Variants in CMYA5 observed in about 807,000 individuals in gnomAD.
CMYA5 encodes cardiomyopathy-associated protein 5.
Under a neutral mutation model 318.9 loss-of-function variants are expected in CMYA5, and 246 were observed. The observed-to-expected ratio is 0.77, with a 90% CI of 0.70 to 0.86. CMYA5 has a LOEUF of 0.86. CMYA5 is among the 40% of genes least tolerant of loss of function. The probability of loss-of-function intolerance (pLI) is 0.00; values close to 1 mark genes in which losing one functional copy is unlikely to be tolerated. For synonymous variants in CMYA5, 1,641 were observed against 1,729.5 expected, an observed-to-expected ratio of 0.95 and a Z score of 1.27; for missense variants, 4,589 against 4,678.2, an observed-to-expected ratio of 0.98 and a Z score of 0.56.
In CMYA5 at chr5:79,731,171, A is replaced by T; in HGVS notation, c.2406A>T (p.Ala802=). The T allele has an allele frequency of 6.2e-7, 1 of 1,614,046 alleles. No homozygotes were observed. The highest frequency in any genetic ancestry group is 8.5e-7 in the Non-Finnish European group (1 of 1,179,894). Residue 802 remains alanine, a synonymous_variant, in exon 2 of 13, where the codon GCA becomes GCT. Coordinates refer to ENST00000446378, the MANE Select transcript of CMYA5 (RefSeq NM_153610.5). Reference sequence around the variant, plus strand: ...ATTCAAAGTTGATCTCCAAATATGCAGCCCCACTCAATGCAACACAGGAAT... The same window carrying T: ...ATTCAAAGTTGATCTCCAAATATGCTGCCCCACTCAATGCAACACAGGAAT... ...TPDSKLISKY[A]APLNATQESQ...
intron 3 of CMYA5, 24 bp downstream of exon 3, chr5:79,743,946 C>G (rs1394792902): frequency 6.7e-6 from 8 of 1,199,820 alleles, no homozygotes; most frequent in Non-Finnish European, 8.3e-6. Flanking sequence ...CCCATTTTAC[C>G]TTAACCTGGC....
chr5:79,713,247 G>A (rs908246150), intron 1 of CMYA5, among the ~76,000 whole-genome samples: 37 of 152,004 alleles, frequency 2.4e-4, no homozygotes, highest in Middle Eastern at 3.2e-3. Context: ...GGCCAGGGAG[G>A]CCACTAAACA....
At chr5:79,767,143 G>A (rs554511474) in intron 9 of CMYA5, among the ~76,000 whole-genome samples, 3 of 152,198 alleles carry the variant, frequency 2.0e-5, no homozygotes, top group Non-Finnish European at 4.4e-5. Flanking sequence ...TGTGGGATCA[G>A]TGGTGATATC....
intron 1 of CMYA5, among the ~76,000 whole-genome samples, chr5:79,713,211 G>T (rs1827432987): frequency 6.6e-6 from 1 of 152,044 alleles, no homozygotes; most frequent in South Asian, 2.1e-4. Context: ...CCTGGGATGG[G>T]GTACTAATGG....
Position 79,730,556 on chromosome 5 carries a change from G to A in CMYA5, c.1791G>A (p.Glu597=), listed in dbSNP as rs781515245. The change falls in exon 2 of 13, where the codon GAG becomes GAA. Residue 597 remains glutamate (E), a synonymous_variant. Transcript: ENST00000446378. ...CTACTGGTTCTGCTTTTGTATCAGA[G>A]TATTCAGTACCACAGGATTTGAACC... is the stretch of plus-strand genomic sequence containing the variant. ...SVSTGSAFVS[E]YSVPQDLNHE... 7.4e-6 allele frequency: 12 copies of A among 1,613,972 alleles called. No homozygotes were observed. In the South Asian group the frequency reaches 1.3e-4, roughly 18 times the overall value.
At chr5:79,715,389 G>A (rs1280149723) in intron 1 of CMYA5, among the ~76,000 whole-genome samples, 5 of 151,948 alleles carry the variant, frequency 3.3e-5, no homozygotes, top group Non-Finnish European at 7.4e-5. Flanking sequence ...CCGGGTTCAC[G>A]CCACTCTCCC....
chr5:79,690,009 C>T lies in CMYA5; in HGVS notation c.102C>T (p.Gly34=). Residue 34 remains glycine (G), a synonymous_variant, in exon 1 of 13, where the codon GGC becomes GGT. Coordinates refer to ENST00000446378, the MANE Select transcript of CMYA5 (RefSeq NM_153610.5). Reference sequence around the variant, plus strand: ...TGGAGACCGAGGAGGAGTCGGAGGGCGAGGAGGACGAGACGGCGGCGGAGT... The same window carrying T: ...TGGAGACCGAGGAGGAGTCGGAGGGTGAGGAGGACGAGACGGCGGCGGAGT... ...RELETEEESE[G]EEDETAAESE... 1 of 1,476,386 alleles carries T rather than the reference C, an allele frequency of 6.8e-7. No homozygotes were observed. Among genetic ancestry groups the T allele is most frequent in the Non-Finnish European group, 9.1e-7 (1 of 1,101,892 alleles). The allele number at this position is 1,476,386 out of a possible 1,614,324, so 91.5% of individuals were successfully genotyped here. A position where few individuals can be genotyped will look rare whatever the true frequency, so the allele number is the denominator to read the frequency against.
chr5:79,753,849 T>G (rs1828478865), intron 6 of CMYA5, among the ~76,000 whole-genome samples: 1 of 152,212 alleles, frequency 6.6e-6, no homozygotes, highest in Non-Finnish European at 1.5e-5. Context: ...CTCAAAGTGT[T>G]TTCTTGTAAT....
intron 1 of CMYA5, among the ~76,000 whole-genome samples, chr5:79,707,579 G>C (rs1276985387): frequency 2.0e-5 from 3 of 151,990 alleles, no homozygotes; most frequent in African/African-American, 7.3e-5. Flanking sequence ...TTCAAAATTT[G>C]GACTTCACAA....
intron 1 of CMYA5, among the ~76,000 whole-genome samples, chr5:79,703,037 A>C (rs183959904): frequency 6.6e-6 from 1 of 152,324 alleles, no homozygotes; most frequent in East Asian, 1.9e-4. Context: ...AGGCCCCCCA[A>C]GGTGGGGAAT....
chr5:79,698,999 C>T (rs1827124963), intron 1 of CMYA5, among the ~76,000 whole-genome samples: 1 of 151,966 alleles, frequency 6.6e-6, no homozygotes, highest in African/African-American at 2.4e-5. Flanking sequence ...GTCTACTAAA[C>T]ATACAAAAAT....
At chr5:79,704,264 G>C (rs1827227161) in intron 1 of CMYA5, among the ~76,000 whole-genome samples, 1 of 152,018 alleles carries the variant, frequency 6.6e-6, no homozygotes, top group Non-Finnish European at 1.5e-5. Context: ...AGGAATCCCA[G>C]AGTGTAGAAG....
At chr5:79,711,541 G>A (rs938968653) in intron 1 of CMYA5, among the ~76,000 whole-genome samples, 13 of 152,136 alleles carry the variant, frequency 8.5e-5, no homozygotes, top group African/African-American at 2.9e-4. Flanking sequence ...CTTTCAGGTC[G>A]CAAAGGCTAC....
intron 10 of CMYA5, among the ~76,000 whole-genome samples, chr5:79,790,404 G>C (rs915636130): frequency 7.2e-5 from 11 of 152,082 alleles, no homozygotes; most frequent in Non-Finnish European, 1.5e-4. Flanking sequence ...TGAGTAGCTG[G>C]GATTACAGGT....
intron 1 of CMYA5, among the ~76,000 whole-genome samples, chr5:79,695,189 C>CT (rs1290243353): frequency 2.6e-5 from 4 of 152,090 alleles, no homozygotes; most frequent in African/African-American, 9.7e-5. Context: ...ACCAACATGA[C>CT]TTAAGAGAAT....
chr5:79,702,266 A>C (rs1827187502), intron 1 of CMYA5, among the ~76,000 whole-genome samples: 1 of 152,130 alleles, frequency 6.6e-6, no homozygotes, highest in African/African-American at 2.4e-5. Flanking sequence ...AGCATGGTAT[A>C]GTTCTAGCTA....
At chr5:79,695,940 T>C (rs1347339655) in intron 1 of CMYA5, among the ~76,000 whole-genome samples, 1 of 152,200 alleles carries the variant, frequency 6.6e-6, no homozygotes. Context: ...TAAACTTTCT[T>C]GTTATTATCC....
Position 79,738,537 on chromosome 5 carries a change from CAGGGCCA to C in CMYA5, c.9776_9782del (p.Gly3259ValfsTer16). 3 of 1,613,292 alleles carry C rather than the reference CAGGGCCA, an allele frequency of 1.9e-6. No homozygotes were observed. The South Asian group carries it at 3.3e-5, about 18-fold the overall frequency. ...TGACACATCTCTAACTCAAAAGGAC[CAGGGCCA>C]AGGTCTGGAAGAAAAACGAGTTGGT... is the stretch of plus-strand genomic sequence containing the variant. On this transcript the variant is annotated frameshift_variant, in exon 2 of 13. Coordinates refer to ENST00000446378, the MANE Select transcript of CMYA5 (RefSeq NM_153610.5). LOFTEE classifies it high-confidence loss of function.
rs1827893174 is a variant in CMYA5 at position 79,731,318 on chromosome 5, A to G, written c.2553A>G (p.Ala851=). ...CATCTTCCCCAGATTTGGTTGTTGCATCTGAACACTCTTTCCCACCACACA... is the reference window on the plus strand; with the variant it reads ...CATCTTCCCCAGATTTGGTTGTTGCGTCTGAACACTCTTTCCCACCACACA... The part of the protein sequence containing the change: ...IGPSSPDLVV[A]SEHSFPPHTT... Residue 851 remains alanine, a synonymous_variant, in exon 2 of 13, where the codon GCA becomes GCG. Coordinates refer to ENST00000446378, the MANE Select transcript of CMYA5 (RefSeq NM_153610.5). 1 of 1,613,752 alleles carries G rather than the reference A, an allele frequency of 6.2e-7. No homozygotes were observed. Among genetic ancestry groups the G allele is most frequent in the Non-Finnish European group, 8.5e-7 (1 of 1,179,842 alleles).
Sources: gnomAD v4.1 joint callset for allele counts (sites outside exome capture counted in the v4.1 genomes callset) on GRCh38, gnomAD v4.1.1 for gene constraint, MANE v1.5 for transcripts, NCBI Gene and HGNC (gene_info 2026-07-23, HGNC 2026-07-21) for gene names.